LHFPL6: variants seen among roughly 807,000 people sequenced by gnomAD.
The protein encoded by LHFPL6 is LHFPL tetraspan subfamily member 6, also known as LHFPL tetraspan subfamily member 6 protein.
LHFPL6 carries 9 observed loss-of-function variants against 20.6 expected under a neutral mutation model. That is an observed-to-expected ratio of 0.44 (90% CI 0.26 to 0.76). The LOEUF (loss-of-function observed/expected upper bound fraction) is 0.76. Among genes scored for constraint, LHFPL6 ranks in the 30% least tolerant of loss-of-function variants. LHFPL6 has a pLI of 0.20. For synonymous variants in LHFPL6, 105 were observed against 98.7 expected (o/e 1.06, Z -0.38); for missense variants, 218 against 253.5 (o/e 0.86, Z 0.95).
chr13:39,441,273 G>A (rs775300986), intron 2 of LHFPL6, among the ~76,000 whole-genome samples: 53 of 149,182 alleles, frequency 3.6e-4, no homozygotes, highest in South Asian at 4.3e-4. Flanking sequence ...GGTGTGAGCC[G>A]CTGCACCTGG....
At chr13:39,385,878 A>C (rs1870550933) in intron 2 of LHFPL6, among the ~76,000 whole-genome samples, 1 of 152,168 alleles carries the variant, frequency 6.6e-6, no homozygotes, top group Non-Finnish European at 1.5e-5. Context: ...GCCAATCTTG[A>C]AAGTTTTTTT....
chr13:39,525,552 T>C (rs1232633355), intron 2 of LHFPL6, among the ~76,000 whole-genome samples: 11 of 152,236 alleles, frequency 7.2e-5, no homozygotes, highest in African/African-American at 2.4e-4. Context: ...AAAGGGTTAA[T>C]GTAAATAGCA....
rs75064401 is a variant in LHFPL6 at position 39,576,041 on chromosome 13, C to T, written c.385+24791G>A. On this transcript the variant is annotated intron_variant, in intron 2 of 3. Coordinates refer to ENST00000379589, the MANE Select transcript of LHFPL6 (RefSeq NM_005780.3). ...ATTACAATTCAATTTTACTTGTAAA[C>T]GAAACCTACCCCAGGGGATTTCTTA... Among the ~76,000 whole-genome samples, 507 of 152,294 alleles carry T rather than the reference C, an allele frequency of 3.3e-3. 3 individuals carry two copies. Among genetic ancestry groups the T allele is most frequent in the African/African-American group, 0.011 (459 of 41,558 alleles).
At chr13:39,581,585 ATC>A (rs1239779884) in intron 2 of LHFPL6, among the ~76,000 whole-genome samples, 4 of 101,098 alleles carry the variant, frequency 4.0e-5, no homozygotes, top group South Asian at 9.3e-4. Context: ...AGCTTTCACA[ATC>A]TCTCTCTCTC....
intron 2 of LHFPL6, among the ~76,000 whole-genome samples, chr13:39,380,418 A>T (rs1870407613): frequency 6.6e-6 from 1 of 152,100 alleles, no homozygotes; most frequent in South Asian, 2.1e-4. Flanking sequence ...GCAGCAGGCA[A>T]GCAAGTAAAG....
chr13:39,580,449 T>C (rs547113400), intron 2 of LHFPL6, among the ~76,000 whole-genome samples: 63 of 152,322 alleles, frequency 4.1e-4, no homozygotes, highest in South Asian at 1.7e-3. Context: ...AAAAATCAGC[T>C]AGCTAAGGAA....
chr13:39,369,097 G>T (rs1593287843), intron 3 of LHFPL6, among the ~76,000 whole-genome samples: 2 of 141,472 alleles, frequency 1.4e-5, no homozygotes, highest in South Asian at 2.2e-4. Context: ...ACTAATAAAA[G>T]GACAACACTG....
chr13:39,410,553 C>A (rs999627409), intron 2 of LHFPL6, among the ~76,000 whole-genome samples: 10 of 152,168 alleles, frequency 6.6e-5, no homozygotes, highest in African/African-American at 1.7e-4. Flanking sequence ...TTCTCCCCAT[C>A]CCACCAACAA....
intron 3 of LHFPL6, among the ~76,000 whole-genome samples, chr13:39,353,843 GGC>G (rs1256748960): frequency 6.6e-6 from 1 of 152,096 alleles, no homozygotes; most frequent in Non-Finnish European, 1.5e-5. Context: ...GCATTCTATG[GGC>G]TTCCTAATGG....
chr13:39,358,488 G>T (rs1869784051), intron 3 of LHFPL6, among the ~76,000 whole-genome samples: 2 of 152,116 alleles, frequency 1.3e-5, no homozygotes, highest in Admixed American at 1.3e-4. Flanking sequence ...TGTGGGTAAA[G>T]AATTTGTGGC....
chr13:39,441,400 G>C (rs1477981173), intron 2 of LHFPL6, among the ~76,000 whole-genome samples: 2 of 151,990 alleles, frequency 1.3e-5, no homozygotes, highest in African/African-American at 4.8e-5. Context: ...GGCTGGGGCA[G>C]CAATTTGTAG....
chr13:39,463,969 G>A (rs1455233599), intron 2 of LHFPL6, among the ~76,000 whole-genome samples: 1 of 152,144 alleles, frequency 6.6e-6, no homozygotes, highest in East Asian at 1.9e-4. Context: ...TTATACAGAG[G>A]TAGCCCTTGT....
chr13:39,383,093 T>C (rs1183247059), intron 2 of LHFPL6, among the ~76,000 whole-genome samples: 1 of 152,146 alleles, frequency 6.6e-6, no homozygotes, highest in East Asian at 1.9e-4. Flanking sequence ...TGGCCAAATA[T>C]GCAACAAATG....
intron 2 of LHFPL6, among the ~76,000 whole-genome samples, chr13:39,471,064 C>G (rs1341994094): frequency 6.6e-6 from 1 of 152,154 alleles, no homozygotes; most frequent in East Asian, 1.9e-4. Context: ...GATTTAGAGA[C>G]CAGCCAGGGA....
intron 2 of LHFPL6, among the ~76,000 whole-genome samples, chr13:39,492,096 G>A (rs1467981154): frequency 1.3e-5 from 2 of 152,162 alleles, no homozygotes; most frequent in Non-Finnish European, 2.9e-5. Flanking sequence ...AGTGCCAAGC[G>A]CTATAAGTAC....
intron 2 of LHFPL6, among the ~76,000 whole-genome samples, chr13:39,449,833 C>CAAAAAAA (rs34024514): frequency 7.5e-6 from 1 of 133,390 alleles, no homozygotes; most frequent in Non-Finnish European, 1.7e-5. Context: ...CTGAAAGTAG[C>CAAAAAAA]AAAAAAAAAA....
At chr13:39,379,369 G>T (rs964681271) in intron 2 of LHFPL6, among the ~76,000 whole-genome samples, 1 of 152,124 alleles carries the variant, frequency 6.6e-6, no homozygotes, top group African/African-American at 2.4e-5. Context: ...GTCAATCACA[G>T]GTGTTATCAA....
rs1405294089 is a variant in LHFPL6 at position 39,439,844 on chromosome 13, T to G, written c.386-61318A>C. Among the ~76,000 whole-genome samples, 8 of 152,160 alleles carry G rather than the reference T, an allele frequency of 5.3e-5. No homozygotes were observed. In the East Asian group the frequency reaches 1.5e-3, roughly 29 times the overall value. ...ATGATTAAAAGCTCCCTGAGGCCTC[T>G]GCAGAAGCAGAAGCTGCTATGCTTC... On this transcript the variant is annotated intron_variant, in intron 2 of 3. Coordinates refer to ENST00000379589, the MANE Select transcript of LHFPL6 (RefSeq NM_005780.3).
intron 2 of LHFPL6, among the ~76,000 whole-genome samples, chr13:39,545,037 T>C (rs938615574): frequency 1.3e-5 from 2 of 151,372 alleles, no homozygotes; most frequent in Non-Finnish European, 2.9e-5. Context: ...GGTCAGGAGA[T>C]CGAGACCATC....
Sources: gnomAD v4.1 joint callset for allele counts (sites outside exome capture counted in the v4.1 genomes callset) on GRCh38, gnomAD v4.1.1 for gene constraint, MANE v1.5 for transcripts, NCBI Gene and HGNC (gene_info 2026-07-23, HGNC 2026-07-21) for gene names.